CACNA1E: variants seen among roughly 807,000 people sequenced by gnomAD.
CACNA1E encodes voltage-dependent R-type calcium channel subunit alpha-1E.
A neutral mutation model predicts 259.2 loss-of-function variants in CACNA1E; 40 were observed. The ratio of observed to expected loss-of-function variants is 0.15; its 90% CI spans 0.12 to 0.20. CACNA1E has a LOEUF of 0.20. Among genes scored for constraint, CACNA1E ranks in the 10% least tolerant of loss-of-function variants. The pLI, the probability that CACNA1E is intolerant of heterozygous loss-of-function variation, is 1.00. For missense variants in CACNA1E, 1,874 were observed against 3,040.1 expected (o/e 0.62, Z 9.02); for synonymous variants, 1,104 against 1,138.5 (o/e 0.97, Z 0.61).
At chr1:181,440,174 C>T (rs1399042697) in intron 2 of CACNA1E, among the ~76,000 whole-genome samples, 2 of 152,132 alleles carry the variant, frequency 1.3e-5, no homozygotes, top group Non-Finnish European at 2.9e-5. Flanking sequence ...CATTGGGCTA[C>T]ATATTTTTTA....
chr1:181,654,396 G>A (rs749939818), intron 7 of CACNA1E, among the ~76,000 whole-genome samples: 2 of 151,734 alleles, frequency 1.3e-5, no homozygotes, highest in Non-Finnish European at 2.9e-5. Flanking sequence ...ACTATAATAG[G>A]AGTTCTATAA....
intron 3 of CACNA1E, among the ~76,000 whole-genome samples, chr1:181,530,277 TG>T (rs1309032382): frequency 6.6e-6 from 1 of 152,254 alleles, no homozygotes; most frequent in East Asian, 1.9e-4. Flanking sequence ...CATGTGGAAC[TG>T]TAAGTCTAAT....
intron 6 of CACNA1E, among the ~76,000 whole-genome samples, chr1:181,581,915 A>G (rs538907064): frequency 6.6e-6 from 1 of 152,300 alleles, no homozygotes; most frequent in East Asian, 1.9e-4. Context: ...TTCTATCTGT[A>G]TAAAACTTAT....
At chr1:181,714,492 G>A (rs1416006665) in intron 8 of CACNA1E, among the ~76,000 whole-genome samples, 2 of 151,922 alleles carry the variant, frequency 1.3e-5, no homozygotes, top group African/African-American at 2.4e-5. Flanking sequence ...TTAAACCATC[G>A]GCCATTGGCA....
chr1:181,666,245 A>G (rs958998451), intron 7 of CACNA1E, among the ~76,000 whole-genome samples: 2 of 152,134 alleles, frequency 1.3e-5, no homozygotes, highest in African/African-American at 4.8e-5. Context: ...ATGGGATCCC[A>G]TTGCCTAAAC....
chr1:181,672,713 G>A (rs1047511990), intron 7 of CACNA1E, among the ~76,000 whole-genome samples: 2 of 152,166 alleles, frequency 1.3e-5, no homozygotes, highest in Admixed American at 6.5e-5. Flanking sequence ...GCAAGGTTGC[G>A]CTGTGCTGGT....
intron 1 of CACNA1E, among the ~76,000 whole-genome samples, chr1:181,404,141 C>G (rs574980227): frequency 6.6e-6 from 1 of 152,180 alleles, no homozygotes; most frequent in Non-Finnish European, 1.5e-5. Flanking sequence ...CTAATTAGAA[C>G]CTGCTATGGA....
chr1:181,718,190 C>T, intron 12 of CACNA1E, 23 bp downstream of exon 12: 1 of 1,222,424 alleles, frequency 8.2e-7, no homozygotes, highest in African/African-American at 1.5e-5. Context: ...AAGCCTGCCT[C>T]TGCTCCTGCT....
chr1:181,751,625 G>A (rs1657606162), intron 26 of CACNA1E, among the ~76,000 whole-genome samples: 1 of 152,214 alleles, frequency 6.6e-6, no homozygotes. Flanking sequence ...CCCAGATTAA[G>A]TCTAGTGCCC....
chr1:181,416,031 C>G (rs796802395), intron 2 of CACNA1E, among the ~76,000 whole-genome samples: 13 of 152,292 alleles, frequency 8.5e-5, no homozygotes, highest in African/African-American at 3.1e-4. Context: ...TCTCTGTCCT[C>G]GCTTCAAGGC....
At chr1:181,590,838 T>C (rs766027342) in intron 6 of CACNA1E, among the ~76,000 whole-genome samples, 5 of 148,508 alleles carry the variant, frequency 3.4e-5, no homozygotes, top group Non-Finnish European at 7.5e-5. Flanking sequence ...TGTCAGCTGG[T>C]ATCTGTGGAT....
intron 7 of CACNA1E, among the ~76,000 whole-genome samples, chr1:181,652,920 C>T (rs1490537787): frequency 1.3e-5 from 2 of 151,940 alleles, no homozygotes; most frequent in South Asian, 2.1e-4. Context: ...ACTGAATGTG[C>T]GTAGTCCAGC....
intron 2 of CACNA1E, among the ~76,000 whole-genome samples, chr1:181,463,940 C>T (rs1330176855): frequency 6.6e-5 from 10 of 152,038 alleles, no homozygotes; most frequent in Non-Finnish European, 1.5e-4. Context: ...TTGCATATCA[C>T]ATTTGGCTCT....
At chr1:181,787,842 A>G (rs1365942675) in intron 43 of CACNA1E, among the ~76,000 whole-genome samples, 1 of 152,330 alleles carries the variant, frequency 6.6e-6, no homozygotes, top group South Asian at 2.1e-4. Context: ...AAAAACTGTC[A>G]TGATGGTTGG....
At chr1:181,782,521 T>A (rs56740972) in intron 39 of CACNA1E, among the ~76,000 whole-genome samples, 2,277 of 152,288 alleles carry the variant, frequency 0.015, 39 homozygotes, top group African/African-American at 0.041. Context: ...GGAACTCAAA[T>A]CCAAACAAGA....
At chr1:181,329,933 T>C (rs1338224186) in intron 1 of CACNA1E, among the ~76,000 whole-genome samples, 1 of 152,158 alleles carries the variant, frequency 6.6e-6, no homozygotes, top group Admixed American at 6.5e-5. Context: ...GTTGGTTGAA[T>C]GGATACAGGT....
At chr1:181,637,772 A>G (rs147065851) in intron 6 of CACNA1E, among the ~76,000 whole-genome samples, 3 of 152,108 alleles carry the variant, frequency 2.0e-5, no homozygotes, top group Admixed American at 2.0e-4. Context: ...GGCATAAGGG[A>G]GTGACTGACT....
chr1:181,656,092 T>C (rs969956525), intron 7 of CACNA1E, among the ~76,000 whole-genome samples: 5 of 152,360 alleles, frequency 3.3e-5, no homozygotes, highest in African/African-American at 1.2e-4. Flanking sequence ...ATGTACAGTA[T>C]ATAGTATTCG....
At chr1:181,361,423 A>C (rs1653877226) in intron 1 of CACNA1E, among the ~76,000 whole-genome samples, 1 of 152,142 alleles carries the variant, frequency 6.6e-6, no homozygotes, top group African/African-American at 2.4e-5. Flanking sequence ...GTAGCAGGGA[A>C]GGTCTCAGAG....
Sources: allele counts gnomAD v4.1 joint callset (sites outside exome capture counted in the v4.1 genomes callset), GRCh38; gene constraint gnomAD v4.1.1; transcripts MANE v1.5; gene names NCBI Gene and HGNC (gene_info 2026-07-23, HGNC 2026-07-21).